The following ULK4 variants were observed in gnomAD, a reference collection of about 807,000 sequenced individuals.
ULK4 encodes the protein unc-51 like kinase 4.
A neutral mutation model predicts 160.6 loss-of-function variants in ULK4; 133 were observed. The observed-to-expected ratio is 0.83, with a 90% CI of 0.72 to 0.96. The LOEUF (loss-of-function observed/expected upper bound fraction) is 0.96. ULK4 is among the 40% of genes least tolerant of loss of function. The pLI is 0.00. For missense variants in ULK4, 1,580 were observed against 1,499.5 expected, an observed-to-expected ratio of 1.05 and a Z score of -0.89; for synonymous variants, 534 against 539.8, an observed-to-expected ratio of 0.99 and a Z score of 0.15.
Position 41,784,506 on chromosome 3 carries a change from A to G in ULK4, c.2193+5155T>C, listed in dbSNP as rs551354623. ...TGGTTTTTTACTTTGATTTTTAATC[A>G]AAAGTCCCCTCTCATTGTGGTTGTG... On this transcript the variant is annotated intron_variant, in intron 21 of 36. Coordinates refer to ENST00000301831, the MANE Select transcript of ULK4 (RefSeq NM_017886.4). Among the ~76,000 whole-genome samples the G allele has an allele frequency of 9.8e-5, 15 of 152,344 alleles. No homozygotes were observed. The South Asian group carries it at 3.1e-3, about 32-fold the overall frequency.
chr3:41,554,990 T>C (rs993996065), intron 32 of ULK4, among the ~76,000 whole-genome samples: 1 of 151,874 alleles, frequency 6.6e-6, no homozygotes, highest in Admixed American at 6.6e-5. Flanking sequence ...CATGACAGAT[T>C]AGAATTTCCG....
At chr3:41,898,404 A>G in intron 14 of ULK4, 28 bp downstream of exon 14, 2 of 1,427,736 alleles carry the variant, frequency 1.4e-6, no homozygotes, top group Non-Finnish European at 1.9e-6. Flanking sequence ...AAGAGTCTAC[A>G]TGTTCGATAA....
At chr3:41,420,727 C>T (rs1377312681) in intron 34 of ULK4, among the ~76,000 whole-genome samples, 1 of 151,044 alleles carries the variant, frequency 6.6e-6, no homozygotes, top group Non-Finnish European at 1.5e-5. Context: ...TCAGGTGATC[C>T]GCCTCCCTCG....
At chr3:41,307,614 C>T (rs889503737) in intron 35 of ULK4, among the ~76,000 whole-genome samples, 5 of 152,084 alleles carry the variant, frequency 3.3e-5, no homozygotes, top group Admixed American at 6.6e-5. Context: ...ATTCCTTGAG[C>T]TCAGGAGTTT....
At chr3:41,250,883 A>G (rs911942342) in intron 35 of ULK4, 6 of 152,230 alleles carry the variant, frequency 3.9e-5, no homozygotes, top group African/African-American at 1.4e-4. Context: ...TAAAAATGCC[A>G]GCTGTAGTTC....
At position 41,265,940 on chromosome 3, in the gene ULK4, G is replaced by A. The variant is rs74922969; in HGVS notation, c.3679-16366C>T. Among the ~76,000 whole-genome samples the A allele has an allele frequency of 5.7e-3, 874 of 152,298 alleles. 7 individuals carry two copies. The highest frequency in any genetic ancestry group is 0.02 in the African/African-American group (823 of 41,542). The stretch of plus-strand genomic sequence containing the variant: ...GTAGGGGCTTGGAAAACTCCCAGGA[G>A]GCATCTGCTGGTCCACACACCCCCT... On this transcript the variant is annotated intron_variant, in intron 35 of 36. Transcript: ENST00000301831.
At chr3:41,639,394 G>A (rs1246301103) in intron 30 of ULK4, among the ~76,000 whole-genome samples, 1 of 152,112 alleles carries the variant, frequency 6.6e-6, no homozygotes, top group Non-Finnish European at 1.5e-5. Context: ...AATCAAAGAA[G>A]ACAAAAAGAA....
At chr3:41,851,937 CAA>C (rs1182737826) in intron 17 of ULK4, among the ~76,000 whole-genome samples, 1 of 151,946 alleles carries the variant, frequency 6.6e-6, no homozygotes, top group Admixed American at 6.6e-5. Context: ...AAAAACCCTT[CAA>C]AAAAATCAAC....
intron 18 of ULK4, among the ~76,000 whole-genome samples, chr3:41,829,749 A>T (rs372362676): frequency 6.6e-6 from 1 of 151,310 alleles, no homozygotes; most frequent in Non-Finnish European, 1.5e-5. Context: ...GATTCCTCAG[A>T]GATCTAGAAC....
At chr3:41,839,494 A>G (rs1162912110) in intron 17 of ULK4, among the ~76,000 whole-genome samples, 1 of 150,428 alleles carries the variant, frequency 6.6e-6, no homozygotes. Context: ...CTAAATTTTA[A>G]AAAATGATAA....
chr3:41,506,375 T>C (rs1408777356), intron 32 of ULK4, among the ~76,000 whole-genome samples: 1 of 152,058 alleles, frequency 6.6e-6, no homozygotes, highest in Non-Finnish European at 1.5e-5. Flanking sequence ...GAAAAGATGG[T>C]TAGGCAGATT....
intron 31 of ULK4, among the ~76,000 whole-genome samples, chr3:41,589,244 G>T (rs1347720963): frequency 2.0e-5 from 3 of 151,988 alleles, no homozygotes; most frequent in Non-Finnish European, 4.4e-5. Flanking sequence ...CAGTGAGCGG[G>T]AACCTATACA....
intron 17 of ULK4, among the ~76,000 whole-genome samples, chr3:41,870,023 G>A (rs1227112187): frequency 6.6e-6 from 1 of 151,944 alleles, no homozygotes; most frequent in Non-Finnish European, 1.5e-5. Flanking sequence ...TAAAAATATT[G>A]TTCCACTGTC....
At chr3:41,678,632 T>C (rs1575561094) in intron 29 of ULK4, among the ~76,000 whole-genome samples, 1 of 152,286 alleles carries the variant, frequency 6.6e-6, no homozygotes, top group East Asian at 1.9e-4. Context: ...ATAAACTATT[T>C]TATAAGTTAA....
Position 41,506,052 on chromosome 3 carries a change from TTTAA to T in ULK4, c.3227-42803_3227-42800del, listed in dbSNP as rs1305301219. ...TCAAATGCATTTACTGTAGTGTTCTTTTAATTGTGTATATAGCAAAAAAAACGAA... is the reference window on the plus strand; with the variant it reads ...TCAAATGCATTTACTGTAGTGTTCTTTTGTGTATATAGCAAAAAAAACGAA... On this transcript the variant is annotated intron_variant, in intron 32 of 36. Coordinates refer to ENST00000301831, the MANE Select transcript of ULK4 (RefSeq NM_017886.4). Among the ~76,000 whole-genome samples the T allele has an allele frequency of 2.0e-5, 3 of 152,236 alleles. No individual in the cohort carries two copies. In the East Asian group the frequency reaches 5.8e-4, roughly 29 times the overall value.
chr3:41,825,860 G>C (rs1422355140), intron 18 of ULK4, among the ~76,000 whole-genome samples: 2 of 152,182 alleles, frequency 1.3e-5, no homozygotes, highest in Non-Finnish European at 1.5e-5. Flanking sequence ...ATAATTGTCA[G>C]ATTCATGAAA....
intron 32 of ULK4, among the ~76,000 whole-genome samples, chr3:41,472,113 T>A (rs1022864599): frequency 2.0e-5 from 3 of 150,184 alleles, no homozygotes; most frequent in African/African-American, 7.3e-5. Flanking sequence ...AAGAGATGAC[T>A]CAAATAAATA....
At chr3:41,749,999 G>A (rs2038559992) in intron 22 of ULK4, among the ~76,000 whole-genome samples, 1 of 152,160 alleles carries the variant, frequency 6.6e-6, no homozygotes, top group South Asian at 2.1e-4. Context: ...AAGTGAGGAT[G>A]TCAGTCCAAA....
At chr3:41,268,576 C>T (rs375738724) in intron 35 of ULK4, among the ~76,000 whole-genome samples, 2 of 151,990 alleles carry the variant, frequency 1.3e-5, no homozygotes, top group Admixed American at 6.6e-5. Context: ...GAGACCGAGG[C>T]GGGCAGATCA....
Sources: allele counts gnomAD v4.1 joint callset (sites outside exome capture counted in the v4.1 genomes callset), GRCh38; gene constraint gnomAD v4.1.1; transcripts MANE v1.5; gene names NCBI Gene and HGNC (gene_info 2026-07-23, HGNC 2026-07-21).